PLPPR3: variants seen among roughly 807,000 people sequenced by gnomAD.
PLPPR3 encodes the protein phospholipid phosphatase related 3.
In PLPPR3, 14 loss-of-function variants were observed where a neutral mutation model predicts 27.3. The observed-to-expected ratio is 0.51, with a 90% CI of 0.34 to 0.80. PLPPR3 has a LOEUF of 0.80. Among genes scored for constraint, PLPPR3 ranks in the 30% least tolerant of loss-of-function variants. The pLI is 0.01. For synonymous variants in PLPPR3, 671 were observed against 508.0 expected, an observed-to-expected ratio of 1.32 and a Z score of -4.32; for missense variants, 1,287 against 1,056.9, an observed-to-expected ratio of 1.22 and a Z score of -3.02.
intron 1 of PLPPR3, 124 bp from the exon 2 acceptor site, chr19:821,709 T>G: frequency 4.5e-6 from 2 of 441,326 alleles, no homozygotes; most frequent in South Asian, 5.1e-5. Flanking sequence ...GGCGTCCGCG[T>G]GGCCTCCCCG....
upstream of PLPPR3, among the ~76,000 whole-genome samples, chr19:822,392 G>C (rs1372103130): frequency 6.6e-6 from 1 of 151,792 alleles, no homozygotes; most frequent in Non-Finnish European, 1.5e-5. Context: ...GCCTCCGCCC[G>C]CCCCTCCGCG....
chr19:812,522 C>G lies in PLPPR3; in HGVS notation c.*48G>C, dbSNP rs1166716382. 1 of 987,588 alleles carries G rather than the reference C, an allele frequency of 1.0e-6. No homozygotes were observed. Among genetic ancestry groups the G allele is most frequent in the Non-Finnish European group, 1.2e-6 (1 of 830,602 alleles). The allele number at this position is 987,588 out of a possible 1,614,324, so 61.2% of individuals were successfully genotyped here. ...GCCGCTTTATTGAGCATCCGCGCGGCCGCCCGCGCCCTCGGCCCGCCCCCC... is the reference window on the plus strand; with the variant it reads ...GCCGCTTTATTGAGCATCCGCGCGGGCGCCCGCGCCCTCGGCCCGCCCCCC... On this transcript the variant is annotated 3_prime_UTR_variant, in exon 8 of 8. Coordinates refer to ENST00000520876, the MANE Select transcript of PLPPR3 (RefSeq NM_001270366.2).
rs1433555608 is a variant in PLPPR3 at position 813,236 on chromosome 19, C to T, written c.1491G>A (p.Pro497=). 4.0e-6 allele frequency: 6 copies of T among 1,493,090 alleles called. No homozygotes were observed. The highest frequency in any genetic ancestry group is 2.0e-4 in the Middle Eastern group (1 of 5,066). 92.5% of individuals were successfully genotyped at this position (1,493,090 alleles called of 1,614,324 possible). A position where few individuals can be genotyped will look rare whatever the true frequency, so the allele number is the denominator to read the frequency against. Residue 497 remains proline, a synonymous_variant, in exon 8 of 8, where the codon CCG becomes CCA. Transcript: ENST00000520876. The surrounding 1 kb of genome is among the most constrained non-coding windows in gnomAD (Gnocchi z 4.1). ...CGGCCCCCGTCTGCGCGCCCTCCTC[C>T]GGGATGTGCACCAGCGGCGGCGGCC... ...RAGPPPLVHI[P]EEGAQTGAGL...
At position 812,986 on chromosome 19, in the gene PLPPR3, CGAT is replaced by C. The variant is rs1400374153; in HGVS notation, c.1738_1740del (p.Ile580del). ...TGCGGCGCGTGCGCGTCGATGGTCA[CGAT>C]GCTGGCGGAGTCGCGGTCCGACGGC... On this transcript the variant is annotated inframe_deletion, in exon 8 of 8. Coordinates refer to ENST00000520876, the MANE Select transcript of PLPPR3 (RefSeq NM_001270366.2). The C allele has an allele frequency of 6.6e-7, 1 of 1,507,010 alleles. No homozygotes were observed. The highest frequency in any genetic ancestry group is 8.8e-7 in the Non-Finnish European group (1 of 1,135,014). 93.4% of individuals were successfully genotyped at this position (1,507,010 alleles called of 1,614,324 possible). A position where few individuals can be genotyped will look rare whatever the true frequency, so the allele number is the denominator to read the frequency against.
intron 2 of PLPPR3, among the ~76,000 whole-genome samples, chr19:820,255 C>T (rs2035124810): frequency 1.3e-5 from 2 of 152,262 alleles, no homozygotes; most frequent in African/African-American, 4.8e-5. Context: ...GTGATCACAA[C>T]TCACTACAGC....
In PLPPR3 at chr19:814,703, C is replaced by A. The variant is rs1334630608; in HGVS notation, c.646G>T (p.Val216Phe). The change falls in exon 6 of 8, where the codon GTC (valine) becomes TTC (phenylalanine). Residue 216 changes from valine (V) to phenylalanine (F), a missense_variant. Physicochemically the swap from Val to Phe is conservative, Grantham distance 50. Transcript: ENST00000520876. ...GGGGCCGGACTCACCGACACATAGACCGCGGCGAAGGCTGACAGCGTGGCG... is the reference window on the plus strand; with the variant it reads ...GGGGCCGGACTCACCGACACATAGAACGCGGCGAAGGCTGACAGCGTGGCG... ...QHATLSAFAAVYVSMYFNSVI... is the reference protein window; with the variant it reads ...QHATLSAFAAFYVSMYFNSVI... The A allele has an allele frequency of 6.3e-7, 1 of 1,596,188 alleles. No individual in the cohort carries two copies. The highest frequency in any genetic ancestry group is 2.2e-5 in the East Asian group (1 of 44,700).
At chr19:822,844 T>C (rs1025437792), upstream of PLPPR3, among the ~76,000 whole-genome samples, 1 of 152,126 alleles carries the variant, frequency 6.6e-6, no homozygotes, top group African/African-American at 2.4e-5. Context: ...TTTTGGGCCG[T>C]GCGCGGTGGC....
intron 2 of PLPPR3, among the ~76,000 whole-genome samples, chr19:818,957 CCT>C: frequency 6.2e-5 from 7 of 112,338 alleles, no homozygotes; most frequent in African/African-American, 2.8e-4. Context: ...CTGCGCTCGG[CCT>C]TATTATTATT....
intron 7 of PLPPR3, 129 bp from the exon 8 acceptor site, chr19:814,024 G>A (rs1288690701): frequency 7.0e-6 from 6 of 862,860 alleles, no homozygotes; most frequent in Non-Finnish European, 1.0e-5. Flanking sequence ...AGTGGGACCG[G>A]TTCCCACCCC....
At chr19:823,689 C>A (rs1215510286), upstream of PLPPR3, among the ~76,000 whole-genome samples, 2 of 152,150 alleles carry the variant, frequency 1.3e-5, no homozygotes, top group Non-Finnish European at 2.9e-5. Flanking sequence ...GGTCTTTGGC[C>A]CCCCGGTTCC....
chr19:813,539 G>T lies in PLPPR3; in HGVS notation c.1188C>A (p.His396Gln). The change falls in exon 8 of 8, where the codon CAC (histidine) becomes CAA (glutamine). Residue 396 changes from histidine to glutamine, a missense_variant. His to Gln is a conservative substitution (Grantham distance 24). Transcript: ENST00000520876. The surrounding 1 kb of genome is among the most constrained non-coding windows in gnomAD (Gnocchi z 4.1). ...DDPARRHMTI[H>Q]VPLDASRSKQ... ...TGGAGCGCGAGGCGTCCAGCGGCACGTGGATGGTCATGTGGCGGCGCGCGG... is the reference window on the plus strand; with the variant it reads ...TGGAGCGCGAGGCGTCCAGCGGCACTTGGATGGTCATGTGGCGGCGCGCGG... The T allele has an allele frequency of 6.4e-7, 1 of 1,562,984 alleles. No individual in the cohort carries two copies. The highest frequency in any genetic ancestry group is 8.7e-7 in the Non-Finnish European group (1 of 1,155,994).
At chr19:819,946 A>G (rs1012175417) in intron 2 of PLPPR3, among the ~76,000 whole-genome samples, 2 of 151,880 alleles carry the variant, frequency 1.3e-5, no homozygotes, top group African/African-American at 4.8e-5. Flanking sequence ...GGCTCAAGTC[A>G]TCCTCCATCT....
At chr19:815,611 G>A in intron 3 of PLPPR3, 55 bp downstream of exon 3, 1 of 1,496,214 alleles carries the variant, frequency 6.7e-7, no homozygotes, top group Non-Finnish European at 9.0e-7. Context: ...TGGCGGGGGT[G>A]GGCTCCCAGC....
rs1370724311 is a variant in PLPPR3 at position 815,101 on chromosome 19, G to A, written c.404-20C>T. The stretch of plus-strand genomic sequence containing the variant: ...GGACACCTGCAGGGCGGAAGGCTCG[G>A]CCAGGCGGGGAGCTGGGGACCCGGG... On this transcript the variant is annotated intron_variant, in intron 4 of 7. Coordinates refer to ENST00000520876, the MANE Select transcript of PLPPR3 (RefSeq NM_001270366.2). 6.2e-7 allele frequency: 1 copy of A among 1,601,690 alleles called. No homozygotes were observed. The highest frequency in any genetic ancestry group is 8.5e-7 in the Non-Finnish European group (1 of 1,179,340).
chr19:813,832 C>T lies in PLPPR3; in HGVS notation c.895G>A (p.Ala299Thr), dbSNP rs1013829871. 14 of 1,484,822 alleles carry T rather than the reference C, an allele frequency of 9.4e-6. No homozygotes were observed. The highest frequency in any genetic ancestry group is 1.2e-5 in the Non-Finnish European group (14 of 1,125,804). The allele number at this position is 1,484,822 out of a possible 1,614,324, so 92.0% of individuals were successfully genotyped here. Residue 299 changes from alanine (A) to threonine (T), a missense_variant, in exon 8 of 8, where the codon GCC becomes ACC. Transcript: ENST00000520876. The surrounding 1 kb of genome is among the most constrained non-coding windows in gnomAD (Gnocchi z 4.1). ...PAEKPAAPAP[A>T]KDALRALTQR... ...GTCAGGGCCCGCAGCGCGTCCTTGG[C>T]GGGGGCCGGGGCCGCGGGCTTCTCT... is the stretch of plus-strand genomic sequence containing the variant.
At chr19:817,600 G>C (rs1568286375) in intron 2 of PLPPR3, among the ~76,000 whole-genome samples, 1 of 152,154 alleles carries the variant, frequency 6.6e-6, no homozygotes, top group African/African-American at 2.4e-5. Context: ...TTTCTGCCTT[G>C]TTATGGCATC....
At chr19:823,445 A>AAAAAACAAAC (rs1568289250), upstream of PLPPR3, among the ~76,000 whole-genome samples, 1 of 132,710 alleles carries the variant, frequency 7.5e-6, no homozygotes, top group Non-Finnish European at 1.5e-5. Flanking sequence ...CTATCTCAAA[A>AAAAAACAAAC]AAAAAAAAAA....
intron 2 of PLPPR3, 127 bp from the exon 3 acceptor site, chr19:815,978 AC>A: frequency 1.1e-6 from 1 of 882,618 alleles, no homozygotes; most frequent in East Asian, 2.7e-5. Flanking sequence ...GCTCCCAGCC[AC>A]TCTTTCCCCC....
At chr19:818,537 C>T (rs1395152557) in intron 2 of PLPPR3, among the ~76,000 whole-genome samples, 4 of 151,726 alleles carry the variant, frequency 2.6e-5, no homozygotes, top group African/African-American at 9.7e-5. Context: ...CCTGTCTCTA[C>T]TAAATACATA....
Sources: allele counts gnomAD v4.1 joint callset (sites outside exome capture counted in the v4.1 genomes callset), GRCh38; gene constraint gnomAD v4.1.1; non-coding constraint Gnocchi (gnomAD v3.1); transcripts MANE v1.5; gene names NCBI Gene and HGNC (gene_info 2026-07-23, HGNC 2026-07-21).